MYH11: variants seen among roughly 807,000 people sequenced by gnomAD.
MYH11 encodes the protein myosin-11.
Under a neutral mutation model 246.6 loss-of-function variants are expected in MYH11, and 80 were observed. The observed-to-expected ratio is 0.32, with a 90% confidence interval of 0.27 to 0.39. The LOEUF is 0.39. Ranked by LOEUF, MYH11 falls within the 10% of genes least tolerant of loss-of-function variation. The pLI is 1.00. For missense variants in MYH11, 2,158 were observed against 2,546.8 expected (o/e 0.85, Z 3.29); for synonymous variants, 1,071 against 1,015.5 (o/e 1.05, Z -1.04).
chr16:15,726,663 T>A (rs1318705769), intron 28 of MYH11, 185 bp downstream of exon 28: 1 of 731,804 alleles, frequency 1.4e-6, no homozygotes, highest in East Asian at 2.7e-5. Flanking sequence ...CCACCGTGCC[T>A]GGCCAGAAGG....
At chr16:15,708,180 A>G (rs1180890778) in intron 40 of MYH11, among the ~76,000 whole-genome samples, 1 of 152,128 alleles carries the variant, frequency 6.6e-6, no homozygotes, top group Non-Finnish European at 1.5e-5. Context: ...GTTTGTAGCT[A>G]GACATCACTC....
chr16:15,837,803 G>A (rs1359048805), intron 2 of MYH11, 105 bp downstream of exon 2: 1 of 1,057,520 alleles, frequency 9.5e-7, no homozygotes, highest in Non-Finnish European at 1.5e-6. Context: ...CCAAAGTGCT[G>A]GGAGTACAGG....
At chr16:15,726,617 C>T in intron 28 of MYH11, 1 of 604,486 alleles carries the variant, frequency 1.7e-6, no homozygotes, top group Non-Finnish European at 3.0e-6. Context: ...ATCCACCCAC[C>T]TCTGTCTCCC....
Position 15,725,760 on chromosome 16 carries a change from A to G in MYH11, c.3859-768T>C, listed in dbSNP as rs140080894. 9.9e-4 allele frequency: 393 copies of G among 398,794 alleles called. 2 individuals are homozygous for G. The highest frequency in any genetic ancestry group is 6.8e-3 in the African/African-American group (330 of 48,752). 24.7% of individuals were successfully genotyped at this position (398,794 alleles called of 1,614,324 possible). Reference sequence around the variant, plus strand: ...TTGTGAAAACTTTGGCCACGTCCCCATGAGTGGCAAGGCAGGGTAAATGGC... The same window carrying G: ...TTGTGAAAACTTTGGCCACGTCCCCGTGAGTGGCAAGGCAGGGTAAATGGC... On this transcript the variant is annotated intron_variant, in intron 28 of 40. Coordinates refer to ENST00000300036, the MANE Select transcript of MYH11 (RefSeq NM_002474.3).
intron 16 of MYH11, chr16:15,749,312 A>G (rs1487519479): frequency 6.6e-6 from 1 of 151,900 alleles, no homozygotes; most frequent in African/African-American, 2.4e-5. Flanking sequence ...ACACGCCTGG[A>G]CACTATCTAG....
intron 1 of MYH11, among the ~76,000 whole-genome samples, chr16:15,839,184 TG>T (rs1352591543): frequency 6.6e-6 from 1 of 151,936 alleles, no homozygotes; most frequent in Admixed American, 6.6e-5. Context: ...CACTCCAGCC[TG>T]GGTGACAGAG....
chr16:15,814,645 C>T (rs2043223010), intron 3 of MYH11, among the ~76,000 whole-genome samples: 1 of 142,672 alleles, frequency 7.0e-6, no homozygotes, highest in African/African-American at 2.6e-5. Context: ...CTAATTTCAA[C>T]ACCGAATTCC....
intron 2 of MYH11, among the ~76,000 whole-genome samples, chr16:15,827,452 C>T (rs994783577): frequency 7.9e-5 from 12 of 152,250 alleles, no homozygotes; most frequent in South Asian, 4.1e-4. Flanking sequence ...GCGGCTCCAT[C>T]GGACCGAAAT....
At chr16:15,785,008 A>AGTTTTTTTT in intron 5 of MYH11, 1 of 96,518 alleles carries the variant, frequency 1.0e-5, no homozygotes, top group African/African-American at 5.6e-5. Flanking sequence ...AATTCTCTTG[A>AGTTTTTTTT]TTTTTTTTTT....
At chr16:15,765,951 A>G (rs887904578) in intron 9 of MYH11, among the ~76,000 whole-genome samples, 1 of 152,182 alleles carries the variant, frequency 6.6e-6, no homozygotes, top group East Asian at 1.9e-4. Flanking sequence ...GGGTTTCTCA[A>G]TCTTGTCACT....
In MYH11 at chr16:15,719,565, C is replaced by G. The variant is rs527381094; in HGVS notation, c.5082+20G>C. 8.7e-6 allele frequency: 14 copies of G among 1,613,742 alleles called. No individual in the cohort carries two copies. The African/African-American group carries it at 1.2e-4, about 14-fold the overall frequency. On this transcript the variant is annotated intron_variant, in intron 35 of 40. Coordinates refer to ENST00000300036, the MANE Select transcript of MYH11 (RefSeq NM_002474.3). ...CGTGACACCCGCATCTGAGGCTCTC[C>G]TAGCAAGGCGAGGCTTTACCTCTTG...
intron 19 of MYH11, 86 bp downstream of exon 19, chr16:15,747,484 G>T: frequency 1.3e-6 from 2 of 1,494,292 alleles, no homozygotes; most frequent in Non-Finnish European, 1.9e-6. Flanking sequence ...TAAACAGGTG[G>T]CCTCTTAGAA....
chr16:15,707,221 G>T (rs1425501915), intron 40 of MYH11, among the ~76,000 whole-genome samples: 1 of 152,124 alleles, frequency 6.6e-6, no homozygotes, highest in African/African-American at 2.4e-5. Flanking sequence ...ATTTTTAGGA[G>T]AGACGGGGTT....
intron 6 of MYH11, among the ~76,000 whole-genome samples, chr16:15,782,154 T>G (rs1470165362): frequency 1.3e-5 from 2 of 152,274 alleles, no homozygotes; most frequent in East Asian, 3.9e-4. Flanking sequence ...GTGCTGGGAT[T>G]ACAGGTGTGA....
rs11273419 is a variant in MYH11, at chr16:15,788,095, T to TTTTTTTTTTTTA, written c.531-1364_531-1363insTAAAAAAAAAAA. 6.7e-4 allele frequency among the ~76,000 whole-genome samples: 67 copies of TTTTTTTTTTTTA among 99,320 alleles called. 2 individuals carry two copies. Among genetic ancestry groups the TTTTTTTTTTTTA allele is most frequent in the African/African-American group, 8.6e-4 (25 of 28,950 alleles). The allele number at this position is 99,320 out of a possible 152,430, so 65.2% of individuals were successfully genotyped here. On this transcript the variant is annotated intron_variant, in intron 4 of 40. Transcript: ENST00000300036. ...GGTAGATCTTTTTTTTTTTTTTTTT[T>TTTTTTTTTTTTA]ACCAAGATGGCTTTCGTGCACTAGC...
intron 8 of MYH11, among the ~76,000 whole-genome samples, chr16:15,775,491 G>A (rs1412462572): frequency 6.6e-6 from 1 of 151,604 alleles, no homozygotes; most frequent in Non-Finnish European, 1.5e-5. Flanking sequence ...GCACTCATTG[G>A]TTTATATATT....
chr16:15,728,307 A>G (rs891187884), intron 27 of MYH11, among the ~76,000 whole-genome samples: 1 of 152,228 alleles, frequency 6.6e-6, no homozygotes, highest in Non-Finnish European at 1.5e-5. Flanking sequence ...GTTAAAATTA[A>G]TGGAGCAGTA....
Position 15,721,040 on chromosome 16 carries a change from C to T in MYH11, c.4590G>A (p.Leu1530=), listed in dbSNP as rs2040445031. ...TCTCCAGGGCCCGCTTGGACTTCTC[C>T]AGCTCATGGACCTGCCGGCAGAGCG... ...KDDVGKNVHE[L]EKSKRALETQ... is the part of the protein sequence containing the mutation. Residue 1530 remains leucine, a synonymous_variant, in exon 33 of 41, where the codon CTG becomes CTA. Coordinates refer to ENST00000300036, the MANE Select transcript of MYH11 (RefSeq NM_002474.3). 3 of 1,613,878 alleles carry T rather than the reference C, an allele frequency of 1.9e-6. No homozygotes were observed. Among genetic ancestry groups the T allele is most frequent in the Non-Finnish European group, 2.5e-6 (3 of 1,180,024 alleles).
At chr16:15,742,479 T>C (rs2041301247) in intron 20 of MYH11, among the ~76,000 whole-genome samples, 1 of 152,188 alleles carries the variant, frequency 6.6e-6, no homozygotes, top group African/African-American at 2.4e-5. Context: ...CAGTGATGCA[T>C]GCCTGTAATC....
Sources: gnomAD v4.1 joint callset for allele counts (sites outside exome capture counted in the v4.1 genomes callset) on GRCh38, gnomAD v4.1.1 for gene constraint, MANE v1.5 for transcripts, NCBI Gene and HGNC (gene_info 2026-07-23, HGNC 2026-07-21) for gene names.